The following SZT2 variants were observed in gnomAD, a reference collection of about 807,000 sequenced individuals.
The protein encoded by SZT2 is SZT2 subunit of KICSTOR complex, also known as KICSTOR complex protein SZT2.
SZT2 carries 216 observed loss-of-function variants against 404.2 expected under a neutral mutation model. The ratio of observed to expected loss-of-function variants is 0.53; its 90% CI spans 0.48 to 0.60. The LOEUF (loss-of-function observed/expected upper bound fraction) is 0.60. Among genes scored for constraint, SZT2 ranks in the 20% least tolerant of loss-of-function variants. SZT2 has a pLI of 0.00. For missense variants in SZT2, 3,857 were observed against 4,459.2 expected (o/e 0.86, Z 3.85); for synonymous variants, 1,693 against 1,749.9 (o/e 0.97, Z 0.81).
intron 4 of SZT2, among the ~76,000 whole-genome samples, chr1:43,413,188 G>T (rs1164131103): frequency 6.6e-6 from 1 of 152,190 alleles, no homozygotes; most frequent in Non-Finnish European, 1.5e-5. Context: ...TTTGAGACCA[G>T]CCTGGCCAAC....
chr1:43,437,433 A>G lies in SZT2; in HGVS notation c.6215A>G (p.Asn2072Ser), dbSNP rs1308524631. The change falls in exon 44 of 72, where the codon AAT (asparagine) becomes AGT (serine). Residue 2072 changes from asparagine (N) to serine (S), a missense_variant. By Grantham distance (46) the Asn-to-Ser change is conservative (BLOSUM62 1). This residue lies in a region of SZT2 where 261 missense variants were observed against 372.9 expected (regional missense o/e 0.70). Transcript: ENST00000634258. This position sits in a 1 kb window ranked among gnomAD's most constrained non-coding sequence, Gnocchi z 5.3. Reference sequence around the variant, plus strand: ...ATCCAGGCCCTGCGCTCTGTGCTCAATGCCTTCTCTGTGGTGAACCGGAAA... The same window carrying G: ...ATCCAGGCCCTGCGCTCTGTGCTCAGTGCCTTCTCTGTGGTGAACCGGAAA... ...RAIQALRSVL[N>S]AFSVVNRKNM... The G allele has an allele frequency of 6.2e-7, 1 of 1,613,926 alleles. No individual in the cohort carries two copies. The highest frequency in any genetic ancestry group is 1.7e-5 in the Admixed American group (1 of 59,980).
rs755897854 is a variant in SZT2, at chr1:43,426,464, G to A, written c.3140G>A (p.Arg1047Gln). 26 of 1,596,980 alleles carry A rather than the reference G, an allele frequency of 1.6e-5. No individual in the cohort carries two copies. In the South Asian group the frequency reaches 2.3e-4, roughly 14 times the overall value. The change falls in exon 22 of 72, where the codon CGG becomes CAG. Residue 1047 changes from arginine (R) to glutamine (Q), a missense_variant. Arg to Gln is a conservative substitution (Grantham distance 43). Coordinates refer to ENST00000634258, the MANE Select transcript of SZT2 (RefSeq NM_001365999.1). This position sits in a 1 kb window ranked among gnomAD's most constrained non-coding sequence, Gnocchi z 4.9. ...HSCLGQELSD[R>Q]EIPLTPVDQA... ...TGCCTGGGGCAGGAGCTGAGTGACCGGGAGATCCCACTGACCCCCGTTGAC... is the reference window on the plus strand; with the variant it reads ...TGCCTGGGGCAGGAGCTGAGTGACCAGGAGATCCCACTGACCCCCGTTGAC...
rs921627372 is a variant in SZT2, at chr1:43,453,566, C to T, written c.*3086C>T. 9 of 1,516,810 alleles carry T rather than the reference C, an allele frequency of 5.9e-6. No individual in the cohort carries two copies. Among genetic ancestry groups the T allele is most frequent in the Non-Finnish European group, 8.0e-6 (9 of 1,129,498 alleles). 94.0% of individuals were successfully genotyped at this position (1,516,810 alleles called of 1,614,324 possible). A position where few individuals can be genotyped will look rare whatever the true frequency, so the allele number is the denominator to read the frequency against. The stretch of plus-strand genomic sequence containing the variant: ...TGCCCGCGCCCCGGCACCCCCCAGC[C>T]CTCCCAGCCCTCCCGGCCCGCGACG... On this transcript the variant is annotated 3_prime_UTR_variant, in exon 72 of 72. Transcript: ENST00000634258.
Position 43,440,560 on chromosome 1 carries a change from G to A in SZT2, c.7318G>A (p.Gly2440Ser), listed in dbSNP as rs1480619760. 1.9e-6 allele frequency: 3 copies of A among 1,604,682 alleles called. No homozygotes were observed. Among genetic ancestry groups the A allele is most frequent in the Non-Finnish European group, 2.6e-6 (3 of 1,175,756 alleles). Residue 2440 changes from glycine (G) to serine (S), a missense_variant, in exon 52 of 72, where the codon GGC becomes AGC. By Grantham distance (56) the Gly-to-Ser change is moderately conservative. Coordinates refer to ENST00000634258, the MANE Select transcript of SZT2 (RefSeq NM_001365999.1). ...GCCTGTGACTCCACCCAGCAAAGCG[G>A]GCCGGCGTAGCTTCTGGGATATGCT... ...GEPVTPPSKAGRRSFWDMLSK... is the reference protein window; with the variant it reads ...GEPVTPPSKASRRSFWDMLSK...
At chr1:43,396,860 T>C (rs1649056220) in intron 1 of SZT2, among the ~76,000 whole-genome samples, 1 of 152,192 alleles carries the variant, frequency 6.6e-6, no homozygotes, top group South Asian at 2.1e-4. Context: ...ACGATGTTTG[T>C]GGAAGCAAAG....
At position 43,448,727 on chromosome 1, in the gene SZT2, T is replaced by C. The variant is rs1465432112; in HGVS notation, c.10085T>C (p.Leu3362Pro). The C allele has an allele frequency of 6.2e-7, 1 of 1,613,814 alleles. No homozygotes were observed. Among genetic ancestry groups the C allele is most frequent in the Admixed American group, 1.7e-5 (1 of 60,022 alleles). Residue 3362 changes from leucine (L) to proline (P), a missense_variant and splice_region_variant, in exon 70 of 72, where the codon CTG becomes CCG. By Grantham distance (98) the Leu-to-Pro change is moderately conservative. Coordinates refer to ENST00000634258, the MANE Select transcript of SZT2 (RefSeq NM_001365999.1). This position sits in a 1 kb window ranked among gnomAD's most constrained non-coding sequence, Gnocchi z 4.2. ...FQSPDLGTQY[L>P]VVLNQKFTDC... is the part of the protein sequence containing the mutation. ...AGCCCAGACTTGGGAACTCAGTACC[T>C]GGTAAGTCCCCTTGAGCTTCCTCTG...
Position 43,440,028 on chromosome 1 carries a change from G to A in SZT2, c.7190G>A (p.Cys2397Tyr). ...CTTCAGCTGCTGCCAGCTTCACTAT[G>A]TACAGAGGACACACCCACAGGTATG... ...IELQLLPASL[C>Y]TEDTPTGSLR... is the part of the protein sequence containing the mutation. The change falls in exon 51 of 72, where the codon TGT becomes TAT. Residue 2397 changes from cysteine (C) to tyrosine (Y), a missense_variant. Cys to Tyr is a radical substitution (Grantham distance 194). Coordinates refer to ENST00000634258, the MANE Select transcript of SZT2 (RefSeq NM_001365999.1). The A allele has an allele frequency of 4.3e-6, 7 of 1,614,040 alleles. No homozygotes were observed. Among genetic ancestry groups the A allele is most frequent in the Non-Finnish European group, 5.9e-6 (7 of 1,179,954 alleles).
chr1:43,408,079 G>A (rs1320246192), intron 4 of SZT2, among the ~76,000 whole-genome samples: 1 of 151,984 alleles, frequency 6.6e-6, no homozygotes, highest in Non-Finnish European at 1.5e-5. Context: ...TGATCTGCCC[G>A]CCTCGGCCTC....
chr1:43,450,648 G>A lies in SZT2; in HGVS notation c.*168G>A. On this transcript the variant is annotated 3_prime_UTR_variant, in exon 72 of 72. Coordinates refer to ENST00000634258, the MANE Select transcript of SZT2 (RefSeq NM_001365999.1). This position sits in a 1 kb window ranked among gnomAD's most constrained non-coding sequence, Gnocchi z 4.3. ...CTTGAGGGTCTGCTGCCCCAGCCTG[G>A]CAGCAGGAACCGCCCTCCCCAAACA... The A allele has an allele frequency of 9.1e-7, 1 of 1,093,168 alleles. No homozygotes were observed. Among genetic ancestry groups the A allele is most frequent in the Non-Finnish European group, 1.3e-6 (1 of 767,344 alleles). The allele number at this position is 1,093,168 out of a possible 1,614,324, so 67.7% of individuals were successfully genotyped here.
chr1:43,415,331 G>A (rs1272400041), intron 5 of SZT2, 118 bp downstream of exon 5: 2 of 1,296,142 alleles, frequency 1.5e-6, no homozygotes, highest in African/African-American at 1.5e-5. Flanking sequence ...GGGGCAAAAT[G>A]AGACAAGGAT....
At chr1:43,443,570 A>T in intron 61 of SZT2, 27 bp from the exon 62 acceptor site, 1 of 1,613,560 alleles carries the variant, frequency 6.2e-7, no homozygotes, top group Non-Finnish European at 8.5e-7. Context: ...CAGTGGGGAG[A>T]GTCTTCCTTG....
Position 43,437,130 on chromosome 1 carries a change from G to A in SZT2, c.6035-41G>A. 2.5e-6 allele frequency: 4 copies of A among 1,609,528 alleles called. No individual in the cohort carries two copies. Among genetic ancestry groups the A allele is most frequent in the Non-Finnish European group, 3.4e-6 (4 of 1,177,376 alleles). On this transcript the variant is annotated intron_variant, in intron 42 of 71. Coordinates refer to ENST00000634258, the MANE Select transcript of SZT2 (RefSeq NM_001365999.1). The surrounding 1 kb of genome is among the most constrained non-coding windows in gnomAD (Gnocchi z 5.3). ...GTGAGAAGTCTGTGGAGGGCAGAGGGTGGTGTGTCCCATTTCTAATCCCTG... is the reference window on the plus strand; with the variant it reads ...GTGAGAAGTCTGTGGAGGGCAGAGGATGGTGTGTCCCATTTCTAATCCCTG...
intron 10 of SZT2, 60 bp from the exon 11 acceptor site, chr1:43,421,114 C>T: frequency 6.3e-7 from 1 of 1,596,664 alleles, no homozygotes; most frequent in Non-Finnish European, 8.5e-7. Flanking sequence ...CCCCCTAAGG[C>T]TCCCCTCATC....
At position 43,427,120 on chromosome 1, in the gene SZT2, A is replaced by G. The variant is rs372604291; in HGVS notation, c.3374A>G (p.Tyr1125Cys). The stretch of plus-strand genomic sequence containing the variant: ...GCCCAGCCCCCTCAGTGGCGCTGCT[A>G]TGCAAGGCTTGTGAACCCCCAGCAT... ...ISAQPPQWRC[Y>C]ARLVNPQHVF... Residue 1125 changes from tyrosine to cysteine, a missense_variant, in exon 24 of 72, where the codon TAT (tyrosine) becomes TGT (cysteine). By Grantham distance (194) the Tyr-to-Cys change is radical. Coordinates refer to ENST00000634258, the MANE Select transcript of SZT2 (RefSeq NM_001365999.1). 1.2e-5 allele frequency: 20 copies of G among 1,614,170 alleles called. No homozygotes were observed. In the Admixed American group the frequency reaches 1.5e-4, roughly 12 times the overall value.
Position 43,445,946 on chromosome 1 carries a change from T to A in SZT2, c.8878T>A (p.Phe2960Ile), listed in dbSNP as rs375281815. The stretch of plus-strand genomic sequence containing the variant: ...CCTTGGAACAGAGGGTCGAGGCTCC[T>A]TCTCCTGCCCTAAAACCAAGACTGA... ...AILGTEGRGS[F>I]SCPKTKTDGS... The change falls in exon 63 of 72, where the codon TTC becomes ATC. Residue 2960 changes from phenylalanine to isoleucine, a missense_variant. By Grantham distance (21) the Phe-to-Ile change is conservative. Around this residue, in one of 7 missense-constraint regions of SZT2, gnomAD observed 717 missense variants for 868.2 expected, o/e 0.83. Coordinates refer to ENST00000634258, the MANE Select transcript of SZT2 (RefSeq NM_001365999.1). 1 of 1,614,176 alleles carries A rather than the reference T, an allele frequency of 6.2e-7. No individual in the cohort carries two copies. The highest frequency in any genetic ancestry group is 1.3e-5 in the African/African-American group (1 of 75,066).
In SZT2 at chr1:43,444,056, C is replaced by T. The variant is rs1006454114; in HGVS notation, c.8825+260C>T. ...TGTGTCCATTTTCACAAAGCTCATG[C>T]CCACACACATCTTGTACACTTACAC... On this transcript the variant is annotated intron_variant, in intron 62 of 71. Transcript: ENST00000634258. Among the ~76,000 whole-genome samples, 5 of 152,192 alleles carry T rather than the reference C, an allele frequency of 3.3e-5. No homozygotes were observed. The East Asian group carries it at 7.7e-4, about 23-fold the overall frequency.
chr1:43,452,107 C>T lies in SZT2; in HGVS notation c.*1627C>T. 4.0e-6 allele frequency: 6 copies of T among 1,509,306 alleles called. No homozygotes were observed. The highest frequency in any genetic ancestry group is 5.5e-6 in the Non-Finnish European group (6 of 1,094,918). 93.5% of individuals were successfully genotyped at this position (1,509,306 alleles called of 1,614,324 possible). A position where few individuals can be genotyped will look rare whatever the true frequency, so the allele number is the denominator to read the frequency against. On this transcript the variant is annotated 3_prime_UTR_variant, in exon 72 of 72. Transcript: ENST00000634258. ...TCAAGGCCCTCACCTGTTCCTCTGA[C>T]CTAGGCTGGCAGCCTCACGTGCTGT... is the stretch of plus-strand genomic sequence containing the variant.
At position 43,430,015 on chromosome 1, in the gene SZT2, A is replaced by G; in HGVS notation, c.4313A>G (p.Lys1438Arg). The change falls in exon 30 of 72, where the codon AAG becomes AGG. Residue 1438 changes from lysine (K) to arginine (R), a missense_variant. Around this residue, in one of 7 missense-constraint regions of SZT2, gnomAD observed 1,725 missense variants for 1,881.0 expected, o/e 0.92. Coordinates refer to ENST00000634258, the MANE Select transcript of SZT2 (RefSeq NM_001365999.1). ...TCCTTCTAAACCCCACAACAGGAGA[A>G]GTTCCTAGAGATCAGTCGTCTCCAC... Reference protein sequence around the residue: ...HGALHSVIQEKFLEISRLHFR... With the variant: ...HGALHSVIQERFLEISRLHFR... 1 of 1,614,162 alleles carries G rather than the reference A, an allele frequency of 6.2e-7. No homozygotes were observed. The highest frequency in any genetic ancestry group is 8.5e-7 in the Non-Finnish European group (1 of 1,180,022).
At position 43,423,302 on chromosome 1, in the gene SZT2, C is replaced by A; in HGVS notation, c.2241C>A (p.Asp747Glu). The change falls in exon 15 of 72, where the codon GAC (aspartate) becomes GAA (glutamate). Residue 747 changes from aspartate (D) to glutamate (E), a missense_variant. Physicochemically the swap from Asp to Glu is conservative, Grantham distance 45 (BLOSUM62 2). This residue lies in a region of SZT2 where 1,725 missense variants were observed against 1,881.0 expected (regional missense o/e 0.92). Transcript: ENST00000634258. ...TTGTGGTCCTGCATAAGCCACTGGACAAACTGCTCATCAGGTTGGTACAGA... is the reference window on the plus strand; with the variant it reads ...TTGTGGTCCTGCATAAGCCACTGGAAAAACTGCTCATCAGGTTGGTACAGA... ...PCLVVLHKPL[D>E]KLLIRYEKLP... The A allele has an allele frequency of 1.3e-6, 2 of 1,541,392 alleles. No homozygotes were observed. Among genetic ancestry groups the A allele is most frequent in the Middle Eastern group, 1.8e-4 (1 of 5,690 alleles).
Sources: allele counts gnomAD v4.1 joint callset (sites outside exome capture counted in the v4.1 genomes callset), GRCh38; gene constraint gnomAD v4.1.1; regional missense constraint gnomAD v4.1.1; non-coding constraint Gnocchi (gnomAD v3.1); transcripts MANE v1.5; gene names NCBI Gene and HGNC (gene_info 2026-07-23, HGNC 2026-07-21).